Variants in SEMA3A observed in about 807,000 individuals in gnomAD.
SEMA3A encodes semaphorin 3A, also known as semaphorin-3A.
A neutral mutation model predicts 97.9 loss-of-function variants in SEMA3A; 29 were observed. The ratio of observed to expected loss-of-function variants is 0.30; its 90% CI spans 0.22 to 0.40. The LOEUF (loss-of-function observed/expected upper bound fraction) is 0.40. Among genes scored for constraint, SEMA3A ranks in the 10% least tolerant of loss-of-function variants. SEMA3A has a pLI of 1.00. For missense variants in SEMA3A, 763 were observed against 951.3 expected, an observed-to-expected ratio of 0.80 and a Z score of 2.60; for synonymous variants, 321 against 323.7, an observed-to-expected ratio of 0.99 and a Z score of 0.09.
intron 1 of SEMA3A, among the ~76,000 whole-genome samples, chr7:84,430,404 A>G (rs1370692986): frequency 5.3e-5 from 8 of 152,032 alleles, no homozygotes; most frequent in Non-Finnish European, 8.8e-5. Flanking sequence ...TTAAATTCTC[A>G]TAACACTTAA....
chr7:84,364,576 A>G (rs1192118514), intron 2 of SEMA3A, among the ~76,000 whole-genome samples: 1 of 151,774 alleles, frequency 6.6e-6, no homozygotes, highest in Non-Finnish European at 1.5e-5. Context: ...TTTATTACCC[A>G]GAATGTATTT....
chr7:84,427,242 T>C (rs993636109), intron 1 of SEMA3A, among the ~76,000 whole-genome samples: 1 of 152,248 alleles, frequency 6.6e-6, no homozygotes, highest in Admixed American at 6.6e-5. Flanking sequence ...GGGAGATATC[T>C]ATGAATTATT....
chr7:83,992,311 T>C (rs1334611167), intron 12 of SEMA3A, among the ~76,000 whole-genome samples: 2 of 146,680 alleles, frequency 1.4e-5, no homozygotes, highest in East Asian at 3.9e-4. Context: ...TTTGTGTCTC[T>C]ATTTCCTTCA....
At chr7:84,158,621 G>C (rs1205158763) in intron 1 of SEMA3A, among the ~76,000 whole-genome samples, 2 of 152,104 alleles carry the variant, frequency 1.3e-5, no homozygotes, top group Non-Finnish European at 2.9e-5. Flanking sequence ...CCAACTAGAT[G>C]ATAAGTGTCA....
rs577744247 is a variant in SEMA3A, at chr7:84,003,855, C to G, written c.1360+1484G>C. Among the ~76,000 whole-genome samples, 8 of 31,776 alleles carry G rather than the reference C, an allele frequency of 2.5e-4. No homozygotes were observed. In the African/African-American group the frequency reaches 2.7e-3, roughly 11 times the overall value. The allele number at this position is 31,776 out of a possible 152,430, so 20.8% of individuals were successfully genotyped here. A position where few individuals can be genotyped will look rare whatever the true frequency, so the allele number is the denominator to read the frequency against. ...TAACCAGAAATTGATACTTGCAATT[C>G]ATTGCCTTTATGAAACCCTGGGTCT... is the stretch of plus-strand genomic sequence containing the variant. On this transcript the variant is annotated intron_variant, in intron 11 of 16. Coordinates refer to ENST00000265362, the MANE Select transcript of SEMA3A (RefSeq NM_006080.3).
chr7:84,421,075 T>C (rs1335737098), intron 1 of SEMA3A, among the ~76,000 whole-genome samples: 1 of 151,962 alleles, frequency 6.6e-6, no homozygotes, highest in Non-Finnish European at 1.5e-5. Context: ...TTAATTGTGA[T>C]GTTAGGGTTT....
At chr7:84,490,450 A>G (rs1806694022) in intron 1 of SEMA3A, among the ~76,000 whole-genome samples, 1 of 152,160 alleles carries the variant, frequency 6.6e-6, no homozygotes, top group South Asian at 2.1e-4. Context: ...TTTCCAGTCT[A>G]CTTTTATCCA....
At chr7:84,047,715 C>T (rs1035706759) in intron 5 of SEMA3A, among the ~76,000 whole-genome samples, 1 of 151,764 alleles carries the variant, frequency 6.6e-6, no homozygotes, top group Non-Finnish European at 1.5e-5. Flanking sequence ...TCTTGTTGAT[C>T]GAATAGGTTA....
chr7:84,064,912 A>T (rs1459155481), intron 4 of SEMA3A, among the ~76,000 whole-genome samples: 1 of 152,248 alleles, frequency 6.6e-6, no homozygotes, highest in Non-Finnish European at 1.5e-5. Context: ...GCTCTGCGCC[A>T]AGCGGACCTA....
At chr7:83,977,989 G>C (rs747644440) in intron 14 of SEMA3A, among the ~76,000 whole-genome samples, 1 of 151,832 alleles carries the variant, frequency 6.6e-6, no homozygotes, top group Non-Finnish European at 1.5e-5. Flanking sequence ...ATTTTTAATA[G>C]AGACGGGATT....
chr7:84,079,229 G>T (rs1583927825), intron 4 of SEMA3A, among the ~76,000 whole-genome samples: 1 of 151,756 alleles, frequency 6.6e-6, no homozygotes, highest in Admixed American at 6.6e-5. Flanking sequence ...TTAAACATTC[G>T]ACCTAAAACC....
At chr7:84,002,087 T>A (rs962846447) in intron 11 of SEMA3A, 41 bp from the exon 12 acceptor site, 4 of 1,157,252 alleles carry the variant, frequency 3.5e-6, no homozygotes, top group Non-Finnish European at 5.2e-6. Context: ...GTTAAGTAGA[T>A]CTGAACAGAG....
At chr7:84,013,543 C>CCAA (rs1790970703) in intron 7 of SEMA3A, among the ~76,000 whole-genome samples, 1 of 149,150 alleles carries the variant, frequency 6.7e-6, no homozygotes, top group African/African-American at 2.6e-5. Flanking sequence ...CATCTTCCAA[C>CCAA]AACAAATATT....
chr7:84,419,201 T>C (rs149629150), intron 1 of SEMA3A, among the ~76,000 whole-genome samples: 150 of 152,230 alleles, frequency 9.9e-4, no homozygotes, highest in Middle Eastern at 3.4e-3. Flanking sequence ...GAGGCAATTA[T>C]TTAGATGTAG....
At position 84,085,298 on chromosome 7, in the gene SEMA3A, G is replaced by A. The variant is rs147396050; in HGVS notation, c.454-24740C>T. ...TTGAAGTTTAGGAGGAGCAAAGGGAGGATGAGTGGGGGTGTCATAGGAAAT... is the reference window on the plus strand; with the variant it reads ...TTGAAGTTTAGGAGGAGCAAAGGGAAGATGAGTGGGGGTGTCATAGGAAAT... On this transcript the variant is annotated intron_variant, in intron 4 of 16. Coordinates refer to ENST00000265362, the MANE Select transcript of SEMA3A (RefSeq NM_006080.3). 6.9e-4 allele frequency among the ~76,000 whole-genome samples: 105 copies of A among 151,954 alleles called. No individual in the cohort carries two copies. In the East Asian group the frequency reaches 0.016, roughly 23 times the overall value.
At chr7:84,282,949 G>A (rs894623228) in intron 3 of SEMA3A, among the ~76,000 whole-genome samples, 1 of 152,140 alleles carries the variant, frequency 6.6e-6, no homozygotes, top group Non-Finnish European at 1.5e-5. Flanking sequence ...GGAAGGTGGA[G>A]GTTGCAGCGA....
rs377360292 is a variant in SEMA3A at position 84,448,494 on chromosome 7, C to T, written c.-246+43966G>A. On this transcript the variant is annotated intron_variant, in intron 1 of 3. Transcript: ENST00000424555. ...TTTAAAAATTACTTGTATTTCTATA[C>T]ACTAACAGTGACTAATCTGTTAGTG... Among the ~76,000 whole-genome samples, 108 of 152,068 alleles carry T rather than the reference C, an allele frequency of 7.1e-4. 1 individual carries two copies. The highest frequency in any genetic ancestry group is 2.4e-3 in the African/African-American group (99 of 41,494).
chr7:84,320,667 T>TC (rs1801624233), intron 2 of SEMA3A, among the ~76,000 whole-genome samples: 1 of 152,148 alleles, frequency 6.6e-6, no homozygotes, highest in African/African-American at 2.4e-5. Flanking sequence ...ATTTTTTTTT[T>TC]CTGCACATGG....
At chr7:84,143,732 A>AG (rs1032551977) in intron 1 of SEMA3A, among the ~76,000 whole-genome samples, 2 of 151,694 alleles carry the variant, frequency 1.3e-5, no homozygotes, top group African/African-American at 4.8e-5. Context: ...CAGGCTGAGC[A>AG]GGGAGGATGT....
Sources: allele counts gnomAD v4.1 joint callset (sites outside exome capture counted in the v4.1 genomes callset), GRCh38; gene constraint gnomAD v4.1.1; transcripts MANE v1.5; gene names NCBI Gene and HGNC (gene_info 2026-07-23, HGNC 2026-07-21).